Variants in MSRA observed in about 807,000 individuals in gnomAD.
The protein encoded by MSRA is methionine sulfoxide reductase A, also known as mitochondrial peptide methionine sulfoxide reductase.
MSRA carries 54 observed loss-of-function variants against 31.3 expected under a neutral mutation model. The ratio of observed to expected loss-of-function variants is 1.73; its 90% CI spans 1.39 to 2.17. MSRA has a LOEUF of 2.17. Ranked by LOEUF, MSRA falls within the 30% of genes most tolerant of loss-of-function variation. MSRA has a pLI of 0.00. For missense variants in MSRA, 507 were observed against 300.9 expected (o/e 1.69, Z -5.07); for synonymous variants, 169 against 116.5 (o/e 1.45, Z -2.90).
At chr8:10,210,034 C>G (rs747044485) in intron 2 of MSRA, among the ~76,000 whole-genome samples, 1 of 152,148 alleles carries the variant, frequency 6.6e-6, no homozygotes, top group East Asian at 1.9e-4. Context: ...TCCTCACTTT[C>G]TATCACTTGT....
rs547191707 is a variant in MSRA, at chr8:10,071,838, G to A, written c.142+17180G>A. 1.1e-4 allele frequency among the ~76,000 whole-genome samples: 16 copies of A among 152,266 alleles called. 1 individual carries two copies. The South Asian group carries it at 1.9e-3, about 18-fold the overall frequency. On this transcript the variant is annotated intron_variant, in intron 1 of 5. Transcript: ENST00000317173. ...CATCAGGAATACGATCCAGACACTT[G>A]TGCCCGCTGTATCTCAGTACGAGAG... is the stretch of plus-strand genomic sequence containing the variant.
chr8:10,339,205 C>T (rs1005408567), intron 5 of MSRA, among the ~76,000 whole-genome samples: 6 of 152,170 alleles, frequency 3.9e-5, no homozygotes, highest in African/African-American at 1.4e-4. Context: ...GGGACACCCA[C>T]GAAGCGATGA....
At chr8:10,343,931 G>A (rs1363166878) in intron 5 of MSRA, among the ~76,000 whole-genome samples, 1 of 152,106 alleles carries the variant, frequency 6.6e-6, no homozygotes, top group Non-Finnish European at 1.5e-5. Context: ...TGAATCAATT[G>A]ATTCATCCTC....
At chr8:10,116,960 C>G (rs1331997471) in intron 1 of MSRA, among the ~76,000 whole-genome samples, 1 of 152,058 alleles carries the variant, frequency 6.6e-6, no homozygotes, top group South Asian at 2.1e-4. Context: ...GAGCGAAACT[C>G]CAAGATGGAG....
chr8:10,074,293 A>C (rs1797887452), intron 1 of MSRA, among the ~76,000 whole-genome samples: 1 of 151,854 alleles, frequency 6.6e-6, no homozygotes, highest in Non-Finnish European at 1.5e-5. Context: ...CGTGTTAGCC[A>C]GGATGGTCTT....
intron 4 of MSRA, among the ~76,000 whole-genome samples, chr8:10,308,987 G>C (rs1444598799): frequency 1.3e-5 from 2 of 152,202 alleles, no homozygotes; most frequent in Non-Finnish European, 2.9e-5. Context: ...CCTTGCTCCA[G>C]GATCGAGGAG....
intron 2 of MSRA, among the ~76,000 whole-genome samples, chr8:10,212,457 T>C (rs1809585260): frequency 6.6e-6 from 1 of 152,096 alleles, no homozygotes. Flanking sequence ...AGTGAACAAA[T>C]GGAAAAAATT....
intron 5 of MSRA, among the ~76,000 whole-genome samples, chr8:10,421,802 C>T (rs1255412156): frequency 2.0e-5 from 3 of 152,034 alleles, no homozygotes; most frequent in Non-Finnish European, 2.9e-5. Context: ...GCTGGGGGCT[C>T]CATCACAACT....
intron 5 of MSRA, among the ~76,000 whole-genome samples, chr8:10,379,145 C>G (rs954254451): frequency 1.3e-5 from 2 of 152,164 alleles, no homozygotes; most frequent in Non-Finnish European, 2.9e-5. Context: ...TATGGCCTGG[C>G]TGCCCTGTCC....
At chr8:10,225,367 G>C (rs143232920) in intron 2 of MSRA, among the ~76,000 whole-genome samples, 38 of 152,280 alleles carry the variant, frequency 2.5e-4, no homozygotes, top group African/African-American at 8.7e-4. Context: ...AGATTGAATG[G>C]ATTACCCATC....
intron 3 of MSRA, among the ~76,000 whole-genome samples, chr8:10,265,618 C>A (rs141995270): frequency 9.2e-4 from 140 of 152,250 alleles, no homozygotes; most frequent in African/African-American, 3.3e-3. Context: ...TGTAAGTGAT[C>A]TATATTAAAG....
At chr8:10,113,542 C>G (rs1157409333) in intron 1 of MSRA, among the ~76,000 whole-genome samples, 3 of 151,270 alleles carry the variant, frequency 2.0e-5, no homozygotes, top group Non-Finnish European at 2.9e-5. Flanking sequence ...TTGAATGATG[C>G]TGTTGTTGAC....
At chr8:10,426,588 G>A (rs1809180623) in intron 5 of MSRA, among the ~76,000 whole-genome samples, 2 of 152,222 alleles carry the variant, frequency 1.3e-5, no homozygotes, top group Non-Finnish European at 2.9e-5. Flanking sequence ...CTGATTGGTG[G>A]AATCTGAAGC....
chr8:10,357,718 A>G (rs1321684462), intron 5 of MSRA, among the ~76,000 whole-genome samples: 48 of 152,296 alleles, frequency 3.2e-4, no homozygotes, highest in Middle Eastern at 6.8e-3. Flanking sequence ...GGCAGCATGG[A>G]TGCTTATTGC....
At chr8:10,264,150 G>A (rs1798622389) in intron 3 of MSRA, among the ~76,000 whole-genome samples, 1 of 152,168 alleles carries the variant, frequency 6.6e-6, no homozygotes, top group Admixed American at 6.5e-5. Flanking sequence ...ACCTGTTCTT[G>A]TAGAAGCCAG....
intron 1 of MSRA, among the ~76,000 whole-genome samples, chr8:10,146,156 C>A (rs1350006395): frequency 6.6e-6 from 1 of 152,272 alleles, no homozygotes; most frequent in East Asian, 1.9e-4. Flanking sequence ...GACCACATAA[C>A]CCTAGAGCAG....
chr8:10,153,735 C>T (rs530907428), intron 1 of MSRA, among the ~76,000 whole-genome samples: 5 of 152,214 alleles, frequency 3.3e-5, no homozygotes, highest in South Asian at 2.1e-4. Context: ...ACAAAGTGTT[C>T]GCTATCACGT....
chr8:10,242,967 C>T (rs144804582), intron 2 of MSRA, among the ~76,000 whole-genome samples: 162 of 152,302 alleles, frequency 1.1e-3, no homozygotes, highest in African/African-American at 3.7e-3. Flanking sequence ...CATCCTCCTC[C>T]TCATGGGGTC....
chr8:10,327,240 G>T (rs539888511), intron 5 of MSRA, among the ~76,000 whole-genome samples: 5 of 152,246 alleles, frequency 3.3e-5, no homozygotes, highest in Non-Finnish European at 7.3e-5. Context: ...CCGTCTCTCA[G>T]TGTTTGTCCA....
Sources: allele counts gnomAD v4.1 joint callset (sites outside exome capture counted in the v4.1 genomes callset), GRCh38; gene constraint gnomAD v4.1.1; transcripts MANE v1.5; gene names NCBI Gene and HGNC (gene_info 2026-07-23, HGNC 2026-07-21).